Variants in GRIK2 observed in about 807,000 individuals in gnomAD.
GRIK2 encodes the protein glutamate ionotropic receptor kainate type subunit 2.
In GRIK2, 32 loss-of-function variants were observed where a neutral mutation model predicts 100.3. The ratio of observed to expected loss-of-function variants is 0.32; its 90% CI spans 0.24 to 0.43. The LOEUF (loss-of-function observed/expected upper bound fraction) is 0.43, where lower values mean the gene tolerates loss of function less well. Ranked by LOEUF, GRIK2 falls within the 20% of genes least tolerant of loss-of-function variation. The pLI is 1.00. For synonymous variants in GRIK2, 417 were observed against 389.4 expected (o/e 1.07, Z -0.83); for missense variants, 843 against 1,114.9 (o/e 0.76, Z 3.47).
At chr6:101,396,233 A>G (rs965493977) in intron 1 of GRIK2, among the ~76,000 whole-genome samples, 1 of 142,926 alleles carries the variant, frequency 7.0e-6, no homozygotes, top group Admixed American at 7.0e-5. Context: ...AGGGATGTAA[A>G]TTTAGCATTC....
At position 101,779,682 on chromosome 6, in the gene GRIK2, G is replaced by C. The variant is rs116269799; in HGVS notation, c.952-19966G>C. 9.6e-3 allele frequency among the ~76,000 whole-genome samples: 1,459 copies of C among 152,216 alleles called. 20 individuals carry two copies. The highest frequency in any genetic ancestry group is 0.033 in the African/African-American group (1,361 of 41,538). On this transcript the variant is annotated intron_variant, in intron 7 of 16. Transcript: ENST00000369134. ...TTAGCTGTCACATTAGCCCTGTCTG[G>C]CTGGTACCTACCTAATTTGAGCTTC...
At chr6:101,509,418 A>C (rs1774191696) in intron 2 of GRIK2, among the ~76,000 whole-genome samples, 1 of 152,128 alleles carries the variant, frequency 6.6e-6, no homozygotes, top group Non-Finnish European at 1.5e-5. Flanking sequence ...TTTTAAATGA[A>C]TTAACTATTA....
intron 2 of GRIK2, among the ~76,000 whole-genome samples, chr6:101,531,798 G>C (rs980683999): frequency 1.3e-5 from 2 of 151,674 alleles, no homozygotes; most frequent in Admixed American, 6.6e-5. Context: ...AGCTATCCTC[G>C]TGTCCTAAAT....
rs147705801 is a variant in GRIK2 at position 101,646,546 on chromosome 6, GTTTAC to G, written c.541+19914_541+19918del. Among the ~76,000 whole-genome samples the G allele has an allele frequency of 1.9e-3, 291 of 151,798 alleles. 3 individuals carry two copies. Among genetic ancestry groups the G allele is most frequent in the African/African-American group, 6.5e-3 (270 of 41,442 alleles). ...TTACACTTTAAGTACATATATTTTA[GTTTAC>G]TTTAATTAGAATAAAATTGAAAACA... On this transcript the variant is annotated intron_variant, in intron 4 of 16. Transcript: ENST00000369134.
At chr6:101,484,235 A>G (rs1372951042) in intron 2 of GRIK2, among the ~76,000 whole-genome samples, 1 of 152,162 alleles carries the variant, frequency 6.6e-6, no homozygotes, top group East Asian at 1.9e-4. Context: ...ATCCATATTT[A>G]ATAGCATATG....
intron 9 of GRIK2, among the ~76,000 whole-genome samples, chr6:101,806,391 A>G (rs1262999546): frequency 6.6e-6 from 1 of 152,070 alleles, no homozygotes; most frequent in Non-Finnish European, 1.5e-5. Context: ...AGTACCTTTC[A>G]ACTGTACAAC....
chr6:101,944,784 A>G lies in GRIK2; in HGVS notation c.2085+16152A>G, dbSNP rs9485566. Reference sequence around the variant, plus strand: ...AAAGTGATTTTTCACATTTTTTTAAAGAGTCAATATACAGATTTTAGTTGC... The same window carrying G: ...AAAGTGATTTTTCACATTTTTTTAAGGAGTCAATATACAGATTTTAGTTGC... On this transcript the variant is annotated intron_variant, in intron 14 of 16. Coordinates refer to ENST00000369134, the MANE Select transcript of GRIK2 (RefSeq NM_021956.5). Among the ~76,000 whole-genome samples, 1,228 of 152,200 alleles carry G rather than the reference A, an allele frequency of 8.1e-3. 17 individuals are homozygous for G. The highest frequency in any genetic ancestry group is 0.029 in the African/African-American group (1,193 of 41,550).
intron 12 of GRIK2, among the ~76,000 whole-genome samples, chr6:101,894,512 C>T (rs535483111): frequency 1.3e-5 from 2 of 151,742 alleles, no homozygotes; most frequent in East Asian, 3.9e-4. Context: ...AGGAAGAAAT[C>T]TTGTCCGGGA....
intron 2 of GRIK2, among the ~76,000 whole-genome samples, chr6:101,512,686 C>A (rs538469050): frequency 4.6e-5 from 7 of 152,040 alleles, no homozygotes; most frequent in Non-Finnish European, 7.4e-5. Flanking sequence ...TTTCAATCAA[C>A]AACTTTTTTT....
At chr6:101,401,012 G>T (rs1165525271) in intron 2 of GRIK2, among the ~76,000 whole-genome samples, 1 of 152,168 alleles carries the variant, frequency 6.6e-6, no homozygotes, top group Non-Finnish European at 1.5e-5. Flanking sequence ...GTGCATGTGT[G>T]TTTTTTGTGT....
At chr6:101,803,367 GAT>G (rs1282754992) in intron 9 of GRIK2, among the ~76,000 whole-genome samples, 1 of 151,770 alleles carries the variant, frequency 6.6e-6, no homozygotes, top group Non-Finnish European at 1.5e-5. Flanking sequence ...TTGCATTTTT[GAT>G]AGTGTCCCCA....
intron 2 of GRIK2, among the ~76,000 whole-genome samples, chr6:101,432,503 C>A (rs749844284): frequency 6.6e-6 from 1 of 152,112 alleles, no homozygotes; most frequent in Non-Finnish European, 1.5e-5. Flanking sequence ...TTATTGAACG[C>A]CTAACAGGTT....
intron 16 of GRIK2, among the ~76,000 whole-genome samples, chr6:102,064,505 T>C (rs1414589666): frequency 6.6e-6 from 1 of 150,792 alleles, no homozygotes; most frequent in Non-Finnish European, 1.5e-5. Context: ...TTTCTTCTTT[T>C]TTTAGTATAA....
intron 7 of GRIK2, among the ~76,000 whole-genome samples, chr6:101,687,866 TA>T (rs953601913): frequency 4.0e-5 from 6 of 151,460 alleles, no homozygotes; most frequent in African/African-American, 1.4e-4. Flanking sequence ...ACTTAAAAAT[TA>T]AAATATTTTC....
At position 101,783,348 on chromosome 6, in the gene GRIK2, A is replaced by T. The variant is rs146812600; in HGVS notation, c.952-16300A>T. Reference sequence around the variant, plus strand: ...TCTCTCTCTCTTGCCACCATGTAAGACATATCTTGCTTCCCCTTTGCCTTC... The same window carrying T: ...TCTCTCTCTCTTGCCACCATGTAAGTCATATCTTGCTTCCCCTTTGCCTTC... On this transcript the variant is annotated intron_variant, in intron 7 of 16. Transcript: ENST00000369134. 6.2e-4 allele frequency among the ~76,000 whole-genome samples: 94 copies of T among 152,182 alleles called. 1 individual carries two copies. The highest frequency in any genetic ancestry group is 2.1e-3 in the African/African-American group (86 of 41,530).
intron 2 of GRIK2, among the ~76,000 whole-genome samples, chr6:101,486,104 C>T (rs181447493): frequency 1.2e-4 from 19 of 152,122 alleles, no homozygotes; most frequent in Admixed American, 6.6e-4. Flanking sequence ...TCAAGATTTT[C>T]GCTGGGAGAA....
At chr6:101,988,479 G>C (rs1164420697) in intron 14 of GRIK2, among the ~76,000 whole-genome samples, 1 of 151,724 alleles carries the variant, frequency 6.6e-6, no homozygotes, top group African/African-American at 2.4e-5. Flanking sequence ...AAGAATATTA[G>C]CTCTGGGGCT....
chr6:101,964,317 T>C (rs947550328), intron 14 of GRIK2, among the ~76,000 whole-genome samples: 1 of 152,050 alleles, frequency 6.6e-6, no homozygotes, highest in African/African-American at 2.4e-5. Flanking sequence ...ATTATTGTTA[T>C]CAATTGTGAA....
intron 7 of GRIK2, among the ~76,000 whole-genome samples, chr6:101,709,575 C>T (rs1389008086): frequency 1.3e-5 from 2 of 151,838 alleles, no homozygotes; most frequent in Non-Finnish European, 1.5e-5. Flanking sequence ...TACCAACATA[C>T]TTACCTGTTA....
Sources: gnomAD v4.1 joint callset for allele counts (sites outside exome capture counted in the v4.1 genomes callset) on GRCh38, gnomAD v4.1.1 for gene constraint, MANE v1.5 for transcripts, NCBI Gene and HGNC (gene_info 2026-07-23, HGNC 2026-07-21) for gene names.